PCED1B: variants seen among roughly 807,000 people sequenced by gnomAD.
PCED1B encodes the protein PC-esterase domain containing 1B, also known as PC-esterase domain-containing protein 1B.
For missense variants in PCED1B, 573 were observed against 573.9 expected (o/e 1.00, Z 0.02); for synonymous variants, 251 against 246.1 (o/e 1.02, Z -0.19).
intron 3 of PCED1B, among the ~76,000 whole-genome samples, chr12:47,225,603 T>C (rs1479907967): frequency 6.6e-6 from 1 of 152,248 alleles, no homozygotes; most frequent in Non-Finnish European, 1.5e-5. Context: ...TAATTCTTTA[T>C]CTGTACCATC....
chr12:47,219,734 T>C (rs1348816772), intron 3 of PCED1B, among the ~76,000 whole-genome samples: 1 of 152,210 alleles, frequency 6.6e-6, no homozygotes, highest in African/African-American at 2.4e-5. Flanking sequence ...TATTGTTTTG[T>C]TTTTCAACAG....
At chr12:47,107,905 A>G (rs557060504) in intron 2 of PCED1B, among the ~76,000 whole-genome samples, 3 of 152,314 alleles carry the variant, frequency 2.0e-5, no homozygotes, top group Admixed American at 2.0e-4. Flanking sequence ...TGCTAATTAC[A>G]TGCTGGGTGT....
At chr12:47,234,956 C>A in intron 3 of PCED1B, 51 bp from the exon 4 acceptor site, 1 of 1,043,012 alleles carries the variant, frequency 9.6e-7, no homozygotes, top group Non-Finnish European at 1.3e-6. Context: ...CTGCACTGGG[C>A]GCTCCGCCCA....
chr12:47,141,894 A>AG (rs201327570), intron 2 of PCED1B, among the ~76,000 whole-genome samples: 306 of 152,198 alleles, frequency 2.0e-3, no homozygotes, highest in African/African-American at 7.1e-3. Context: ...TTCCCACCAA[A>AG]GGACCCAGGA....
intron 2 of PCED1B, among the ~76,000 whole-genome samples, chr12:47,152,910 G>A (rs1941048366): frequency 6.6e-6 from 1 of 151,850 alleles, no homozygotes; most frequent in African/African-American, 2.4e-5. Flanking sequence ...ACTCCAGCCT[G>A]GGCAACAGAG....
chr12:47,154,203 G>A (rs1222848201), intron 2 of PCED1B, among the ~76,000 whole-genome samples: 1 of 152,180 alleles, frequency 6.6e-6, no homozygotes, highest in East Asian at 1.9e-4. Context: ...GAGTGACATG[G>A]TAGGTCCTTG....
intron 1 of PCED1B, among the ~76,000 whole-genome samples, chr12:47,101,258 A>G (rs1002509421): frequency 6.6e-6 from 1 of 152,116 alleles, no homozygotes; most frequent in African/African-American, 2.4e-5. Context: ...CTTGGAACCA[A>G]CCTATGGTTT....
intron 3 of PCED1B, among the ~76,000 whole-genome samples, chr12:47,234,727 A>G (rs1385085623): frequency 6.6e-6 from 1 of 152,188 alleles, no homozygotes; most frequent in Admixed American, 6.5e-5. Context: ...CCTCCCCACC[A>G]GGTGGAACCT....
intron 3 of PCED1B, among the ~76,000 whole-genome samples, chr12:47,227,043 A>G (rs1307113058): frequency 6.6e-6 from 1 of 152,188 alleles, no homozygotes; most frequent in Non-Finnish European, 1.5e-5. Flanking sequence ...TTCTTTCCCA[A>G]AATGATAGTC....
chr12:47,128,260 G>T (rs1049870797), intron 2 of PCED1B, among the ~76,000 whole-genome samples: 6 of 152,094 alleles, frequency 3.9e-5, no homozygotes, highest in African/African-American at 1.4e-4. Flanking sequence ...TTGTAGAAAT[G>T]ATTCCTCAAA....
chr12:47,152,803 C>T (rs956411107), intron 2 of PCED1B, among the ~76,000 whole-genome samples: 11 of 151,952 alleles, frequency 7.2e-5, no homozygotes, highest in Admixed American at 1.3e-4. Flanking sequence ...GGTGTGGTGG[C>T]GCACACCTAT....
At chr12:47,233,761 A>T (rs963701952) in intron 3 of PCED1B, among the ~76,000 whole-genome samples, 5 of 152,172 alleles carry the variant, frequency 3.3e-5, no homozygotes, top group Non-Finnish European at 7.3e-5. Flanking sequence ...CTCTTCCTGC[A>T]TCTGTCGATT....
At chr12:47,190,556 A>G (rs1196200002) in intron 2 of PCED1B, among the ~76,000 whole-genome samples, 1 of 152,234 alleles carries the variant, frequency 6.6e-6, no homozygotes, top group Non-Finnish European at 1.5e-5. Flanking sequence ...TATAGCAGCT[A>G]TGCAAATCCT....
chr12:47,217,448 G>GAAAAAGAAAGAAAGAA (rs1207399501), intron 3 of PCED1B, among the ~76,000 whole-genome samples: 5 of 47,362 alleles, frequency 1.1e-4, no homozygotes, highest in Admixed American at 2.0e-4. Flanking sequence ...AAGAAAGAAA[G>GAAAAAGAAAGAAAGAA]AAAGAAAGAA....
At chr12:47,232,852 A>T (rs1943849132) in intron 3 of PCED1B, among the ~76,000 whole-genome samples, 1 of 152,156 alleles carries the variant, frequency 6.6e-6, no homozygotes, top group Non-Finnish European at 1.5e-5. Context: ...GAAAAAGCAC[A>T]TACTTTTATT....
intron 2 of PCED1B, among the ~76,000 whole-genome samples, chr12:47,167,268 T>C (rs1250066105): frequency 1.4e-4 from 22 of 152,118 alleles, no homozygotes; most frequent in Admixed American, 1.4e-3. Context: ...AAAGGCATAT[T>C]TTGGGGGGTG....
chr12:47,148,809 C>G (rs1291275445), intron 2 of PCED1B, among the ~76,000 whole-genome samples: 1 of 152,236 alleles, frequency 6.6e-6, no homozygotes, highest in Non-Finnish European at 1.5e-5. Flanking sequence ...TTTGGTGCAG[C>G]TGACTAGAGT....
Position 47,123,476 on chromosome 12 carries a change from C to T in PCED1B, c.-526+19281C>T, listed in dbSNP as rs145527485. Among the ~76,000 whole-genome samples the T allele has an allele frequency of 3.9e-3, 595 of 152,012 alleles. 6 individuals are homozygous for T. The highest frequency in any genetic ancestry group is 0.013 in the African/African-American group (557 of 41,488). The stretch of plus-strand genomic sequence containing the variant: ...AGAATAGAGATTGCACAAACATTTC[C>T]CTTTAAAAATTTGATATATGGTTAA... On this transcript the variant is annotated intron_variant, in intron 2 of 3. Transcript: ENST00000546455.
chr12:47,233,189 G>A (rs958228477), intron 3 of PCED1B, among the ~76,000 whole-genome samples: 8 of 152,164 alleles, frequency 5.3e-5, no homozygotes, highest in South Asian at 2.1e-4. Flanking sequence ...TTGCAGGCGT[G>A]AGCTGCCGCG....
Sources: allele counts gnomAD v4.1 joint callset (sites outside exome capture counted in the v4.1 genomes callset), GRCh38; gene constraint gnomAD v4.1.1; transcripts MANE v1.5; gene names NCBI Gene and HGNC (gene_info 2026-07-23, HGNC 2026-07-21).